The following PRKN variants were observed in gnomAD, a reference collection of about 807,000 sequenced individuals.
The protein encoded by PRKN is E3 ubiquitin-protein ligase parkin.
A neutral mutation model predicts 59.5 loss-of-function variants in PRKN; 56 were observed. That is an observed-to-expected ratio of 0.94 (90% CI 0.76 to 1.18). The LOEUF (loss-of-function observed/expected upper bound fraction) is 1.18, where lower values mean the gene tolerates loss of function less well. Among genes scored for constraint, PRKN ranks in the 50% most tolerant of loss-of-function variants. PRKN has a pLI of 0.00. For missense variants in PRKN, 657 were observed against 596.4 expected (o/e 1.10, Z -1.06); for synonymous variants, 250 against 222.1 (o/e 1.13, Z -1.12).
chr6:162,263,189 C>T (rs1779971076), intron 2 of PRKN: 2 of 250,594 alleles, frequency 8.0e-6, no homozygotes, highest in South Asian at 4.8e-5. Flanking sequence ...AAGCAATTCT[C>T]CTGCCTCAGC....
intron 5 of PRKN, 128 bp from the exon 6 acceptor site, chr6:161,973,545 A>C: frequency 1.4e-6 from 1 of 695,282 alleles, no homozygotes; most frequent in Non-Finnish European, 2.6e-6. Flanking sequence ...GATGGAAATA[A>C]ATCAGCATCA....
intron 7 of PRKN, among the ~76,000 whole-genome samples, chr6:161,662,605 G>T (rs1784587603): frequency 6.6e-6 from 1 of 152,148 alleles, no homozygotes; most frequent in African/African-American, 2.4e-5. Flanking sequence ...AGCTTCTGGG[G>T]AGTGAAATCC....
chr6:162,517,443 A>G (rs1028710244), intron 1 of PRKN, among the ~76,000 whole-genome samples: 3 of 151,294 alleles, frequency 2.0e-5, no homozygotes, highest in African/African-American at 4.9e-5. Flanking sequence ...TTTTTAGTAG[A>G]GACGGGGTTT....
intron 1 of PRKN, among the ~76,000 whole-genome samples, chr6:162,494,279 C>A (rs986485813): frequency 9.2e-5 from 14 of 152,196 alleles, no homozygotes; most frequent in Admixed American, 9.2e-4. Flanking sequence ...GGGCCTGCAG[C>A]TGTGCTGTGT....
chr6:161,750,768 C>CA (rs112951182), intron 7 of PRKN, among the ~76,000 whole-genome samples: 2,139 of 106,142 alleles, frequency 0.02, 19 homozygotes, highest in Middle Eastern at 0.084. Context: ...ACTCTTGTCT[C>CA]AAAAAAAAAA....
intron 6 of PRKN, among the ~76,000 whole-genome samples, chr6:161,853,343 T>C (rs1401444863): frequency 6.6e-6 from 1 of 152,214 alleles, no homozygotes; most frequent in East Asian, 1.9e-4. Context: ...TACGGATAGA[T>C]AGCTATGGAC....
At position 162,497,059 on chromosome 6, in the gene PRKN, T is replaced by C. The variant is rs528788359; in HGVS notation, c.8-53586A>G. Among the ~76,000 whole-genome samples, 6 of 152,368 alleles carry C rather than the reference T, an allele frequency of 3.9e-5. No homozygotes were observed. The South Asian group carries it at 1.0e-3, about 26-fold the overall frequency. ...ATTTTTAGATTTATCTTAGTGATGT[T>C]GTAATGGCTAATTGTATAAATTCTG... is the stretch of plus-strand genomic sequence containing the variant. On this transcript the variant is annotated intron_variant, in intron 1 of 11. Coordinates refer to ENST00000366898, the MANE Select transcript of PRKN (RefSeq NM_004562.3).
In PRKN at chr6:161,544,688, G is replaced by A. The variant is rs991930421; in HGVS notation, c.1083+4166C>T. ...TACTTTCAAATAATTCTTTATAATG[G>A]TAATAAATTTACTGGATCCACCCCA... is the stretch of plus-strand genomic sequence containing the variant. On this transcript the variant is annotated intron_variant, in intron 9 of 11. Transcript: ENST00000366898. This position sits in a 1 kb window ranked among gnomAD's most constrained non-coding sequence, Gnocchi z 5.5. Among the ~76,000 whole-genome samples, 1 of 152,112 alleles carries A rather than the reference G, an allele frequency of 6.6e-6. No homozygotes were observed. The highest frequency in any genetic ancestry group is 2.4e-5 in the African/African-American group (1 of 41,432).
At chr6:161,701,379 C>T (rs1245265439) in intron 7 of PRKN, among the ~76,000 whole-genome samples, 1 of 152,058 alleles carries the variant, frequency 6.6e-6, no homozygotes, top group African/African-American at 2.4e-5. Context: ...TCTCTCACTC[C>T]CTTTGAATTT....
At chr6:162,165,501 AC>A (rs1373404993) in intron 4 of PRKN, among the ~76,000 whole-genome samples, 2 of 149,380 alleles carry the variant, frequency 1.3e-5, no homozygotes, top group Non-Finnish European at 3.0e-5. Context: ...TGAACAAAAT[AC>A]AAGAAGAGAC....
intron 7 of PRKN, among the ~76,000 whole-genome samples, chr6:161,726,036 G>A (rs978630587): frequency 2.6e-5 from 4 of 152,200 alleles, no homozygotes; most frequent in Non-Finnish European, 4.4e-5. Flanking sequence ...AGCTGGAAAT[G>A]AGGGCACTGA....
At chr6:162,704,992 A>G (rs926178284) in intron 1 of PRKN, among the ~76,000 whole-genome samples, 6 of 152,190 alleles carry the variant, frequency 3.9e-5, no homozygotes, top group Non-Finnish European at 8.8e-5. Flanking sequence ...AATGGTAAAC[A>G]TGTATTTTAT....
chr6:162,338,645 C>T (rs1036200279), intron 2 of PRKN, among the ~76,000 whole-genome samples: 15 of 152,026 alleles, frequency 9.9e-5, no homozygotes, highest in Admixed American at 2.6e-4. Context: ...CCCAAAGTGC[C>T]GAGATTGCAG....
intron 2 of PRKN, among the ~76,000 whole-genome samples, chr6:162,324,158 T>G (rs572583016): frequency 6.5e-4 from 99 of 152,190 alleles, no homozygotes; most frequent in African/African-American, 2.0e-3. Flanking sequence ...TTAAAATAAT[T>G]ATGTTTAATA....
chr6:162,446,198 G>A (rs563110547), intron 1 of PRKN, among the ~76,000 whole-genome samples: 168 of 152,220 alleles, frequency 1.1e-3, no homozygotes, highest in African/African-American at 4.0e-3. Flanking sequence ...CAATTCATCA[G>A]AAAAGACACA....
intron 7 of PRKN, among the ~76,000 whole-genome samples, chr6:161,775,515 C>T (rs1384267868): frequency 6.6e-6 from 1 of 152,196 alleles, no homozygotes; most frequent in Non-Finnish European, 1.5e-5. Flanking sequence ...GCTAGGATTA[C>T]AGGCTTAAGC....
intron 6 of PRKN, among the ~76,000 whole-genome samples, chr6:161,898,003 A>T (rs1777722798): frequency 1.3e-5 from 2 of 149,634 alleles, no homozygotes; most frequent in African/African-American, 5.0e-5. Flanking sequence ...GTTGCATAGA[A>T]AAGGTTTTTC....
At chr6:162,005,950 T>C (rs1175363229) in intron 5 of PRKN, among the ~76,000 whole-genome samples, 2 of 151,316 alleles carry the variant, frequency 1.3e-5, no homozygotes, top group Non-Finnish European at 3.0e-5. Flanking sequence ...GGATAGTGTA[T>C]ATATATATAT....
chr6:162,182,641 C>G (rs1783847164), intron 4 of PRKN, among the ~76,000 whole-genome samples: 1 of 152,218 alleles, frequency 6.6e-6, no homozygotes, highest in African/African-American at 2.4e-5. Flanking sequence ...TCCCAGGATC[C>G]TCGCAGGAGT....
Sources: gnomAD v4.1 joint callset for allele counts (sites outside exome capture counted in the v4.1 genomes callset) on GRCh38, gnomAD v4.1.1 for gene constraint, Gnocchi (gnomAD v3.1) non-coding constraint, MANE v1.5 for transcripts, NCBI Gene and HGNC (gene_info 2026-07-23, HGNC 2026-07-21) for gene names.